The following INPP4B variants were observed in gnomAD, a reference collection of about 807,000 sequenced individuals.
INPP4B encodes inositol polyphosphate-4-phosphatase type II B, also known as inositol polyphosphate 4-phosphatase type II.
In INPP4B, 55 loss-of-function variants were observed where a neutral mutation model predicts 122.5. The ratio of observed to expected loss-of-function variants is 0.45; its 90% CI spans 0.36 to 0.56. INPP4B has a LOEUF of 0.56. INPP4B is among the 20% of genes least tolerant of loss of function. The pLI is 0.00. For synonymous variants in INPP4B, 403 were observed against 388.7 expected (o/e 1.04, Z -0.43); for missense variants, 1,000 against 1,097.7 (o/e 0.91, Z 1.26).
intron 8 of INPP4B, among the ~76,000 whole-genome samples, chr4:142,307,291 C>T (rs908259140): frequency 6.6e-6 from 1 of 152,120 alleles, no homozygotes; most frequent in South Asian, 2.1e-4. Context: ...AGCACACTCC[C>T]CTCCCACATA....
chr4:142,652,808 G>A (rs1407867789), intron 2 of INPP4B, among the ~76,000 whole-genome samples: 3 of 152,108 alleles, frequency 2.0e-5, no homozygotes, highest in Admixed American at 1.3e-4. Flanking sequence ...TATAGATTCA[G>A]TGCCATCCCC....
At chr4:142,336,399 AGACCTTAG>A (rs1301407486) in intron 7 of INPP4B, among the ~76,000 whole-genome samples, 1 of 152,202 alleles carries the variant, frequency 6.6e-6, no homozygotes, top group East Asian at 1.9e-4. Flanking sequence ...CTGGAGGCCC[AGACCTTAG>A]GACTCCTTGA....
chr4:142,198,819 A>G (rs1419042117), intron 14 of INPP4B, among the ~76,000 whole-genome samples: 1 of 152,010 alleles, frequency 6.6e-6, no homozygotes, highest in Non-Finnish European at 1.5e-5. Flanking sequence ...AATTAATTAA[A>G]TGACTTTTCT....
At chr4:142,416,463 A>G (rs1460885117) in intron 5 of INPP4B, among the ~76,000 whole-genome samples, 1 of 152,158 alleles carries the variant, frequency 6.6e-6, no homozygotes, top group Non-Finnish European at 1.5e-5. Flanking sequence ...AAGGTTAAAA[A>G]TTATTTAAGT....
intron 2 of INPP4B, among the ~76,000 whole-genome samples, chr4:142,691,436 C>T (rs1340217154): frequency 6.6e-6 from 1 of 151,776 alleles, no homozygotes; most frequent in Admixed American, 6.6e-5. Flanking sequence ...TAATGTACTC[C>T]TCAGCTTGTA....
At chr4:142,246,153 T>A (rs1182809584) in intron 11 of INPP4B, among the ~76,000 whole-genome samples, 2 of 147,684 alleles carry the variant, frequency 1.4e-5, no homozygotes, top group East Asian at 3.9e-4. Context: ...TATACATATA[T>A]GTGTTTTGGT....
Position 142,532,719 on chromosome 4 carries a change from A to G in INPP4B, c.-190-69993T>C, listed in dbSNP as rs1434356432. On this transcript the variant is annotated intron_variant, in intron 2 of 25. Coordinates refer to ENST00000262992, the MANE Select transcript of INPP4B (RefSeq NM_001101669.3). The stretch of plus-strand genomic sequence containing the variant: ...TAAAACATCTATCAAAAGAAGAATG[A>G]GTATAAAAATGGAATATGACAAAAT... Among the ~76,000 whole-genome samples the G allele has an allele frequency of 2.0e-5, 3 of 152,218 alleles. No homozygotes were observed. The South Asian group carries it at 6.2e-4, about 32-fold the overall frequency.
At chr4:142,343,518 A>G (rs1779333096) in intron 7 of INPP4B, among the ~76,000 whole-genome samples, 2 of 152,016 alleles carry the variant, frequency 1.3e-5, no homozygotes, top group African/African-American at 4.8e-5. Context: ...CTAATAAATC[A>G]AACTAATTTA....
chr4:142,188,514 A>AT (rs1319182103), intron 15 of INPP4B, among the ~76,000 whole-genome samples: 9 of 116,278 alleles, frequency 7.7e-5, no homozygotes, highest in African/African-American at 3.0e-4. Flanking sequence ...AAAAAAAGAA[A>AT]AAAAATATAT....
chr4:142,801,988 T>C (rs774732823), intron 1 of INPP4B, among the ~76,000 whole-genome samples: 10 of 152,132 alleles, frequency 6.6e-5, no homozygotes, highest in Admixed American at 1.3e-4. Context: ...GTCATCAACA[T>C]ACAGATTAAA....
intron 3 of INPP4B, among the ~76,000 whole-genome samples, chr4:142,452,286 C>G (rs932994464): frequency 1.3e-5 from 2 of 152,098 alleles, no homozygotes; most frequent in African/African-American, 4.8e-5. Flanking sequence ...AGATCTGAAC[C>G]AGAATTTGAA....
intron 2 of INPP4B, among the ~76,000 whole-genome samples, chr4:142,511,183 C>G (rs889180245): frequency 6.6e-5 from 10 of 151,860 alleles, no homozygotes; most frequent in Admixed American, 3.3e-4. Context: ...CAATTTTATT[C>G]TAAAATTTCA....
At chr4:142,461,431 T>C (rs1053393826) in intron 3 of INPP4B, among the ~76,000 whole-genome samples, 10 of 152,202 alleles carry the variant, frequency 6.6e-5, no homozygotes, top group Non-Finnish European at 1.3e-4. Flanking sequence ...ATGTTGAAAA[T>C]TATTTAGGAA....
intron 2 of INPP4B, among the ~76,000 whole-genome samples, chr4:142,679,208 T>C (rs928412508): frequency 2.0e-5 from 3 of 151,878 alleles, no homozygotes; most frequent in African/African-American, 7.2e-5. Context: ...TACACCTGCA[T>C]GTGATTTCTT....
At chr4:142,681,361 T>C (rs1457577145) in intron 2 of INPP4B, among the ~76,000 whole-genome samples, 1 of 151,858 alleles carries the variant, frequency 6.6e-6, no homozygotes, top group African/African-American at 2.4e-5. Flanking sequence ...GAGCAAGTGA[T>C]TCCACTTAAC....
At chr4:142,579,256 A>C (rs1734497943) in intron 2 of INPP4B, among the ~76,000 whole-genome samples, 1 of 152,040 alleles carries the variant, frequency 6.6e-6, no homozygotes, top group Non-Finnish European at 1.5e-5. Context: ...TGAAGGAGAT[A>C]ATGTCAGTGG....
chr4:142,666,125 T>C (rs1176867289), intron 2 of INPP4B, among the ~76,000 whole-genome samples: 1 of 152,154 alleles, frequency 6.6e-6, no homozygotes, highest in African/African-American at 2.4e-5. Flanking sequence ...CTACATATAC[T>C]TGTATGTGTA....
chr4:142,421,488 A>C (rs768892619), intron 5 of INPP4B, among the ~76,000 whole-genome samples: 28 of 152,116 alleles, frequency 1.8e-4, no homozygotes, highest in Non-Finnish European at 3.5e-4. Context: ...GGTGGCAATA[A>C]AGATGTTTAA....
At chr4:142,712,603 A>T (rs968619725) in intron 2 of INPP4B, among the ~76,000 whole-genome samples, 4 of 152,224 alleles carry the variant, frequency 2.6e-5, no homozygotes, top group African/African-American at 7.2e-5. Context: ...AAAAAAATTG[A>T]TAAATTATTG....
Sources: gnomAD v4.1 joint callset for allele counts (sites outside exome capture counted in the v4.1 genomes callset) on GRCh38, gnomAD v4.1.1 for gene constraint, MANE v1.5 for transcripts, NCBI Gene and HGNC (gene_info 2026-07-23, HGNC 2026-07-21) for gene names.